The following C17orf78 variants were observed in gnomAD, a reference collection of about 807,000 sequenced individuals.
C17orf78 encodes the protein uncharacterized protein C17orf78.
C17orf78 carries 27 observed loss-of-function variants against 31.8 expected under a neutral mutation model. That is an observed-to-expected ratio of 0.85 (90% confidence interval 0.63 to 1.17). The LOEUF (loss-of-function observed/expected upper bound fraction) is 1.17, where lower values mean the gene tolerates loss of function less well. Ranked by LOEUF, C17orf78 falls within the 50% of genes most tolerant of loss-of-function variation. C17orf78 has a pLI of 0.00. For synonymous variants in C17orf78, 106 were observed against 115.1 expected (o/e 0.92, Z 0.51); for missense variants, 258 against 315.2 (o/e 0.82, Z 1.37).
intron 3 of C17orf78, among the ~76,000 whole-genome samples, chr17:37,385,015 C>G (rs965438419): frequency 2.0e-5 from 3 of 152,188 alleles, no homozygotes; most frequent in African/African-American, 7.2e-5. Flanking sequence ...GAGGTTATTT[C>G]CAGACTCCAG....
At chr17:37,386,508 C>G (rs1330282972) in intron 4 of C17orf78, among the ~76,000 whole-genome samples, 2 of 152,148 alleles carry the variant, frequency 1.3e-5, no homozygotes, top group African/African-American at 4.8e-5. Context: ...AGAAGAATCG[C>G]TTGAACCCAA....
chr17:37,382,908 G>A (rs771923817), intron 3 of C17orf78, among the ~76,000 whole-genome samples: 2 of 151,966 alleles, frequency 1.3e-5, no homozygotes, highest in Non-Finnish European at 2.9e-5. Context: ...ATGGAGGCAC[G>A]CGCTTGTAGT....
chr17:37,391,410 A>T (rs2050879079), intron 6 of C17orf78, among the ~76,000 whole-genome samples: 1 of 152,170 alleles, frequency 6.6e-6, no homozygotes, highest in African/African-American at 2.4e-5. Context: ...CAGAACTATG[A>T]TCCAGATCTT....
intron 4 of C17orf78, chr17:37,387,892 T>C (rs1226163042): frequency 6.6e-6 from 1 of 152,052 alleles, no homozygotes; most frequent in African/African-American, 2.4e-5. Flanking sequence ...GCCAGGTGAG[T>C]TGGCTCACAC....
intron 2 of C17orf78, among the ~76,000 whole-genome samples, chr17:37,378,546 C>T (rs2050105790): frequency 6.6e-6 from 1 of 151,944 alleles, no homozygotes; most frequent in Non-Finnish European, 1.5e-5. Context: ...AACCCCATCT[C>T]TACTAAAGAT....
intron 3 of C17orf78, among the ~76,000 whole-genome samples, chr17:37,382,523 G>A (rs973725163): frequency 3.3e-5 from 5 of 151,980 alleles, no homozygotes; most frequent in African/African-American, 7.3e-5. Context: ...ACTAAAACTG[G>A]GAAATAAGTG....
intron 6 of C17orf78, 49 bp downstream of exon 6, chr17:37,389,411 T>A (rs1207382246): frequency 2.6e-6 from 4 of 1,547,636 alleles, no homozygotes; most frequent in Non-Finnish European, 3.5e-6. Flanking sequence ...GAAGGTGGGG[T>A]AGGGGCCGGG....
At position 37,389,230 on chromosome 17, in the gene C17orf78, C is replaced by T. The variant is rs372283806; in HGVS notation, c.634-16C>T. The T allele has an allele frequency of 1.2e-4, 194 of 1,565,182 alleles. 1 individual carries two copies. The highest frequency in any genetic ancestry group is 9.0e-4 in the South Asian group (76 of 84,682). ...CCAGCCACTTCATATTAATACCAGT[C>T]ATTTTCTCCCTTCAGTATCAATGCC... On this transcript the variant is annotated splice_polypyrimidine_tract_variant and intron_variant, in intron 5 of 6. Coordinates refer to ENST00000615133, the MANE Select transcript of C17orf78 (RefSeq NM_173625.5).
intron 3 of C17orf78, among the ~76,000 whole-genome samples, chr17:37,382,581 G>C (rs533181150): frequency 6.6e-6 from 1 of 152,102 alleles, no homozygotes; most frequent in African/African-American, 2.4e-5. Context: ...ACTCAAAAGC[G>C]TCAGGTGCGG....
At position 37,376,024 on chromosome 17, in the gene C17orf78, GGCAGA is replaced by G. The variant is rs1224348183; in HGVS notation, c.-66_-62del. 7.3e-7 allele frequency: 1 copy of G among 1,367,914 alleles called. No homozygotes were observed. Among genetic ancestry groups the G allele is most frequent in the Non-Finnish European group, 1.0e-6 (1 of 958,752 alleles). The allele number at this position is 1,367,914 out of a possible 1,614,324, so 84.7% of individuals were successfully genotyped here. A position where few individuals can be genotyped will look rare whatever the true frequency, so the allele number is the denominator to read the frequency against. ...GCTGCGTGTGGTGAAAGCAACTAGA[GGCAGA>G]GCTATCAAGGGCTGTGACAGATGAG... On this transcript the variant is annotated 5_prime_UTR_variant, in exon 1 of 7. Transcript: ENST00000615133.
At chr17:37,380,123 T>C (rs2050181149) in intron 3 of C17orf78, among the ~76,000 whole-genome samples, 1 of 151,968 alleles carries the variant, frequency 6.6e-6, no homozygotes, top group African/African-American at 2.4e-5. Context: ...ATGTCCTTTG[T>C]AGGGACATGG....
chr17:37,379,573 A>T (rs2050154656), intron 3 of C17orf78, among the ~76,000 whole-genome samples, 191 bp downstream of exon 3: 1 of 152,174 alleles, frequency 6.6e-6, no homozygotes, highest in South Asian at 2.1e-4. Context: ...TTGTCAGATG[A>T]GTAGGTTGCG....
rs754800359 is a variant in C17orf78, at chr17:37,388,831, C to A, written c.633+37C>A. ...GTTGTATTGAATCCTTGAACTTGAC[C>A]CATAAAGACTTTCTTCTGTTCCAGA... is the stretch of plus-strand genomic sequence containing the variant. On this transcript the variant is annotated intron_variant, in intron 5 of 6. Transcript: ENST00000615133. 5 of 1,608,100 alleles carry A rather than the reference C, an allele frequency of 3.1e-6. No individual in the cohort carries two copies. In the Admixed American group the frequency reaches 8.4e-5, roughly 27 times the overall value.
At chr17:37,390,546 G>A (rs182662938) in intron 6 of C17orf78, among the ~76,000 whole-genome samples, 1 of 149,168 alleles carries the variant, frequency 6.7e-6, no homozygotes, top group African/African-American at 2.5e-5. Flanking sequence ...AGAATTGCTT[G>A]AACCCAGGAG....
chr17:37,376,261 T>A (rs2049998423), intron 1 of C17orf78, 111 bp downstream of exon 1: 1 of 877,302 alleles, frequency 1.1e-6, no homozygotes, highest in African/African-American at 1.6e-5. Flanking sequence ...CAAGCAATAC[T>A]TTCCAGAGTT....
chr17:37,388,365 C>T (rs543139733), intron 4 of C17orf78, among the ~76,000 whole-genome samples: 8 of 152,138 alleles, frequency 5.3e-5, no homozygotes, highest in South Asian at 4.2e-4. Flanking sequence ...CATGTGTACC[C>T]GAGATTTTTC....
At position 37,379,135 on chromosome 17, in the gene C17orf78, A is replaced by C. The variant is rs1568076953; in HGVS notation, c.146-2A>C. ...TTTTCTATCTGGTTCTTCTCCTTCC[A>C]GAAACTCACACAGAAACCAAAAGGA... is the stretch of plus-strand genomic sequence containing the variant. On this transcript the variant is annotated splice_acceptor_variant, in intron 2 of 6. Coordinates refer to ENST00000615133, the MANE Select transcript of C17orf78 (RefSeq NM_173625.5). LOFTEE classifies it high-confidence loss of function. 3.7e-6 allele frequency: 6 copies of C among 1,610,452 alleles called. No individual in the cohort carries two copies. The Middle Eastern group carries it at 8.3e-4, about 222-fold the overall frequency.
At position 37,375,989 on chromosome 17, in the gene C17orf78, C is replaced by G; in HGVS notation, c.-104C>G. ...GGAATCAGAGTCTCTCAGGGTCAAA[C>G]TTGGTTCCAGCTGCGTGTGGTGAAA... On this transcript the variant is annotated 5_prime_UTR_variant, in exon 1 of 7. Transcript: ENST00000615133. 1.1e-6 allele frequency: 1 copy of G among 920,128 alleles called. No individual in the cohort carries two copies. Among genetic ancestry groups the G allele is most frequent in the Non-Finnish European group, 1.7e-6 (1 of 571,962 alleles). The allele number at this position is 920,128 out of a possible 1,614,324, so 57.0% of individuals were successfully genotyped here. A position where few individuals can be genotyped will look rare whatever the true frequency, so the allele number is the denominator to read the frequency against.
intron 3 of C17orf78, among the ~76,000 whole-genome samples, chr17:37,381,765 C>T (rs568700273): frequency 5.9e-5 from 9 of 151,348 alleles, no homozygotes; most frequent in East Asian, 3.9e-4. Flanking sequence ...GTAGCTGGGA[C>T]TACAGGCACT....
Sources: gnomAD v4.1 joint callset for allele counts (sites outside exome capture counted in the v4.1 genomes callset) on GRCh38, gnomAD v4.1.1 for gene constraint, MANE v1.5 for transcripts, NCBI Gene and HGNC (gene_info 2026-07-23, HGNC 2026-07-21) for gene names.